Variants in EYA2 observed in about 807,000 individuals in gnomAD.
The protein encoded by EYA2 is EYA transcriptional coactivator and phosphatase 2.
A neutral mutation model predicts 69.2 loss-of-function variants in EYA2; 31 were observed. That is an observed-to-expected ratio of 0.45 (90% CI 0.34 to 0.60). The LOEUF (loss-of-function observed/expected upper bound fraction) is 0.60, where lower values mean the gene tolerates loss of function less well. EYA2 is among the 20% of genes least tolerant of loss of function. The pLI, the probability that EYA2 is intolerant of heterozygous loss-of-function variation, is 0.02. For synonymous variants in EYA2, 257 were observed against 279.4 expected, an observed-to-expected ratio of 0.92 and a Z score of 0.80; for missense variants, 622 against 701.2, an observed-to-expected ratio of 0.89 and a Z score of 1.28.
chr20:47,059,097 T>C (rs2030764903), intron 5 of EYA2, among the ~76,000 whole-genome samples: 1 of 151,502 alleles, frequency 6.6e-6, no homozygotes, highest in Admixed American at 6.6e-5. Flanking sequence ...ACAGGAGGGG[T>C]CTTGGGTGGG....
intron 1 of EYA2, among the ~76,000 whole-genome samples, chr20:46,964,989 T>C (rs1217115979): frequency 6.6e-6 from 1 of 152,060 alleles, no homozygotes; most frequent in Non-Finnish European, 1.5e-5. Context: ...TAAATGAGAG[T>C]GAGTTGTGCC....
chr20:46,932,680 C>T (rs1008572452), intron 1 of EYA2, among the ~76,000 whole-genome samples: 6 of 152,094 alleles, frequency 3.9e-5, no homozygotes, highest in African/African-American at 9.7e-5. Flanking sequence ...GTCAGGAGTT[C>T]GAGACCAGCC....
intron 9 of EYA2, among the ~76,000 whole-genome samples, chr20:47,115,810 A>C (rs996910938): frequency 3.3e-5 from 5 of 152,184 alleles, no homozygotes; most frequent in Non-Finnish European, 7.3e-5. Context: ...CCTTAAGGCA[A>C]ACTCTTTGCC....
At position 47,156,169 on chromosome 20, in the gene EYA2, T is replaced by C. The variant is rs539510037; in HGVS notation, c.979-12970T>C. 1.7e-3 allele frequency among the ~76,000 whole-genome samples: 124 copies of C among 74,438 alleles called. 3 individuals carry two copies. Among genetic ancestry groups the C allele is most frequent in the Middle Eastern group, 5.5e-3 (1 of 182 alleles). The allele number at this position is 74,438 out of a possible 152,430, so 48.8% of individuals were successfully genotyped here. A position where few individuals can be genotyped will look rare whatever the true frequency, so the allele number is the denominator to read the frequency against. ...ATATATATATATATATATATATATA[T>C]ATATATATATATATATTAGCCGGGC... On this transcript the variant is annotated intron_variant, in intron 10 of 15. Transcript: ENST00000327619.
At chr20:47,151,368 C>G (rs1420731341) in intron 10 of EYA2, among the ~76,000 whole-genome samples, 8 of 150,512 alleles carry the variant, frequency 5.3e-5, no homozygotes, top group African/African-American at 2.0e-4. Context: ...GAGACTCCAT[C>G]TCAAAAAAAA....
intron 1 of EYA2, among the ~76,000 whole-genome samples, chr20:46,909,357 G>C (rs6018157): frequency 6.6e-6 from 1 of 152,110 alleles, no homozygotes; most frequent in African/African-American, 2.4e-5. Context: ...TGGGGGTGCA[G>C]GTGGGAGGCA....
intron 4 of EYA2, among the ~76,000 whole-genome samples, chr20:47,014,796 A>ATG (rs761279656): frequency 2.0e-5 from 3 of 152,082 alleles, no homozygotes; most frequent in African/African-American, 7.2e-5. Context: ...TGTGTGTGTT[A>ATG]TGTGTGTATT....
intron 9 of EYA2, among the ~76,000 whole-genome samples, chr20:47,112,601 A>G (rs1476222226): frequency 1.3e-5 from 2 of 152,198 alleles, no homozygotes; most frequent in African/African-American, 4.8e-5. Context: ...TAGTCAAGGA[A>G]GACTTCCTGT....
At chr20:47,052,653 C>G (rs1195842894) in intron 5 of EYA2, among the ~76,000 whole-genome samples, 3 of 152,120 alleles carry the variant, frequency 2.0e-5, no homozygotes, top group Admixed American at 6.5e-5. Context: ...GACAGGGTCT[C>G]ATTCTGTTGC....
intron 9 of EYA2, among the ~76,000 whole-genome samples, chr20:47,113,194 A>C (rs1401784340): frequency 6.6e-6 from 1 of 152,084 alleles, no homozygotes; most frequent in Non-Finnish European, 1.5e-5. Flanking sequence ...CAAATGCAAC[A>C]AAGGCTAGCT....
At chr20:46,909,855 A>G (rs1166164408) in intron 1 of EYA2, among the ~76,000 whole-genome samples, 2 of 152,056 alleles carry the variant, frequency 1.3e-5, no homozygotes, top group East Asian at 3.9e-4. Context: ...CTGCTTATGA[A>G]ATTTGTGCTT....
intron 2 of EYA2, among the ~76,000 whole-genome samples, chr20:46,997,186 G>T (rs1982081056): frequency 6.6e-6 from 1 of 152,202 alleles, no homozygotes. Context: ...GGTCTGGGCA[G>T]CTCAGCCCAG....
At position 47,136,737 on chromosome 20, in the gene EYA2, G is replaced by T. The variant is rs939231889; in HGVS notation, c.889-6322G>T. 5.5e-3 allele frequency among the ~76,000 whole-genome samples: 719 copies of T among 129,846 alleles called. 2 individuals carry two copies. The highest frequency in any genetic ancestry group is 8.1e-3 in the Middle Eastern group (2 of 246). 85.2% of individuals were successfully genotyped at this position (129,846 alleles called of 152,430 possible). On this transcript the variant is annotated intron_variant, in intron 9 of 15. Coordinates refer to ENST00000327619, the MANE Select transcript of EYA2 (RefSeq NM_005244.5). ...CAGCCTGGGTGACAGGGGAGACCCTGTCTCAAAAAAAAAAAAAAAAGAACT... is the reference window on the plus strand; with the variant it reads ...CAGCCTGGGTGACAGGGGAGACCCTTTCTCAAAAAAAAAAAAAAAAGAACT...
chr20:47,009,344 T>C (rs1982921176), intron 4 of EYA2, among the ~76,000 whole-genome samples: 1 of 152,248 alleles, frequency 6.6e-6, no homozygotes, highest in Non-Finnish European at 1.5e-5. Context: ...AGGAAACTTT[T>C]TACATTGCTC....
intron 2 of EYA2, among the ~76,000 whole-genome samples, chr20:47,001,190 C>A (rs1982344665): frequency 6.6e-6 from 1 of 152,040 alleles, no homozygotes; most frequent in Non-Finnish European, 1.5e-5. Context: ...GCTATGGATT[C>A]TTTAGATGTC....
intron 9 of EYA2, among the ~76,000 whole-genome samples, chr20:47,120,130 T>G (rs2033007228): frequency 6.6e-6 from 1 of 151,994 alleles, no homozygotes; most frequent in East Asian, 1.9e-4. Context: ...ATTGTTTGAA[T>G]CCAGGAGGCA....
chr20:47,055,517 G>A (rs1386231161), intron 5 of EYA2, among the ~76,000 whole-genome samples: 1 of 152,018 alleles, frequency 6.6e-6, no homozygotes, highest in East Asian at 1.9e-4. Flanking sequence ...GCCTTGCTGC[G>A]ACCGCCTTAC....
intron 1 of EYA2, among the ~76,000 whole-genome samples, chr20:46,900,128 A>G (rs1044816620): frequency 1.2e-4 from 18 of 152,228 alleles, no homozygotes; most frequent in African/African-American, 4.3e-4. Flanking sequence ...ACATTTTTTA[A>G]AAGTCTGTGT....
chr20:46,975,335 CTA>C (rs1004552637), intron 1 of EYA2, among the ~76,000 whole-genome samples: 3 of 152,132 alleles, frequency 2.0e-5, no homozygotes, highest in African/African-American at 4.8e-5. Context: ...CCTTTCTGTA[CTA>C]TGTTTTGCAA....
Sources: gnomAD v4.1 joint callset for allele counts (sites outside exome capture counted in the v4.1 genomes callset) on GRCh38, gnomAD v4.1.1 for gene constraint, MANE v1.5 for transcripts, NCBI Gene and HGNC (gene_info 2026-07-23, HGNC 2026-07-21) for gene names.